The following TMCC1 variants were observed in gnomAD, a reference collection of about 807,000 sequenced individuals.
TMCC1 encodes the protein transmembrane and coiled-coil domains protein 1.
A neutral mutation model predicts 52.4 loss-of-function variants in TMCC1; 15 were observed. That is an observed-to-expected ratio of 0.29 (90% CI 0.19 to 0.44). The LOEUF (loss-of-function observed/expected upper bound fraction) is 0.44. Ranked by LOEUF, TMCC1 falls within the 20% of genes least tolerant of loss-of-function variation. The pLI is 1.00. For synonymous variants in TMCC1, 279 were observed against 301.9 expected, an observed-to-expected ratio of 0.92 and a Z score of 0.79; for missense variants, 503 against 806.0, an observed-to-expected ratio of 0.62 and a Z score of 4.55.
At chr3:129,867,371 T>G (rs187713720) in intron 2 of TMCC1, among the ~76,000 whole-genome samples, 2 of 152,210 alleles carry the variant, frequency 1.3e-5, no homozygotes, top group East Asian at 1.9e-4. Context: ...CAAATCCTCC[T>G]GTAATCGCTT....
At chr3:129,785,162 A>G (rs1369342092) in intron 4 of TMCC1, among the ~76,000 whole-genome samples, 1 of 152,178 alleles carries the variant, frequency 6.6e-6, no homozygotes, top group Non-Finnish European at 1.5e-5. Context: ...TTCAAGATGA[A>G]CAAGGATGTT....
intron 4 of TMCC1, among the ~76,000 whole-genome samples, chr3:129,685,402 T>TAA (rs751525585): frequency 4.7e-4 from 68 of 145,790 alleles, no homozygotes; most frequent in African/African-American, 1.4e-3. Flanking sequence ...AAAATTAAAT[T>TAA]TAAAAAAAAA....
intron 2 of TMCC1, among the ~76,000 whole-genome samples, chr3:129,837,571 A>G (rs2059220398): frequency 6.6e-6 from 1 of 152,252 alleles, no homozygotes. Flanking sequence ...CATATCAAGC[A>G]TATACCTCAG....
chr3:129,834,207 G>A (rs1239262604), intron 2 of TMCC1, among the ~76,000 whole-genome samples: 2 of 152,180 alleles, frequency 1.3e-5, no homozygotes, highest in Non-Finnish European at 2.9e-5. Flanking sequence ...GCAGAAAGAT[G>A]TGGGCCAATA....
intron 4 of TMCC1, among the ~76,000 whole-genome samples, chr3:129,816,368 T>C (rs1237584734): frequency 6.6e-6 from 1 of 152,072 alleles, no homozygotes; most frequent in East Asian, 1.9e-4. Flanking sequence ...ATAAAGAAAA[T>C]GTGGTATACA....
rs181472429 is a variant in TMCC1 at position 129,648,755 on chromosome 3, A to C, written c.*2726T>G. ...CACCCAGAACAACTGTTAAGCCATT[A>C]GAGCGAGGTTATAGAAGAGCTCTGA... On this transcript the variant is annotated 3_prime_UTR_variant, in exon 7 of 7. Transcript: ENST00000393238. 20 of 152,212 alleles carry C rather than the reference A, an allele frequency of 1.3e-4. No individual in the cohort carries two copies. The highest frequency in any genetic ancestry group is 4.3e-4 in the African/African-American group (18 of 41,548). The allele number at this position is 152,212 out of a possible 1,614,324, so 9.4% of individuals were successfully genotyped here. A position where few individuals can be genotyped will look rare whatever the true frequency, so the allele number is the denominator to read the frequency against.
chr3:129,878,796 TAG>T (rs2061338905), intron 2 of TMCC1, among the ~76,000 whole-genome samples: 1 of 152,134 alleles, frequency 6.6e-6, no homozygotes, highest in Non-Finnish European at 1.5e-5. Flanking sequence ...CCTATGAAAT[TAG>T]AGTCTAAATT....
chr3:129,865,850 T>A (rs951328872), intron 2 of TMCC1, among the ~76,000 whole-genome samples: 16 of 152,096 alleles, frequency 1.1e-4, no homozygotes, highest in Non-Finnish European at 2.2e-4. Context: ...TGCAAAAAAA[T>A]ATCACTGCAA....
At chr3:129,876,829 C>T (rs1000125002) in intron 2 of TMCC1, among the ~76,000 whole-genome samples, 3 of 151,542 alleles carry the variant, frequency 2.0e-5, no homozygotes, top group African/African-American at 7.3e-5. Flanking sequence ...TGGTGGCAGG[C>T]GCCTGTAGTC....
At chr3:129,669,396 G>A (rs1032875131) in intron 5 of TMCC1, among the ~76,000 whole-genome samples, 3 of 151,890 alleles carry the variant, frequency 2.0e-5, no homozygotes, top group Non-Finnish European at 4.4e-5. Context: ...TAGGTGGCCT[G>A]TCTCTGGCTA....
chr3:129,672,367 G>A (rs1431827209), intron 4 of TMCC1, among the ~76,000 whole-genome samples: 1 of 152,140 alleles, frequency 6.6e-6, no homozygotes, highest in Non-Finnish European at 1.5e-5. Flanking sequence ...GGAGGTCAAA[G>A]GAGAAGGATC....
In TMCC1 at chr3:129,852,456, CAAAAAAAAAAA is replaced by C. The variant is rs1015860543; in HGVS notation, c.-183-19641_-183-19631del. ...TGGGTGACAGAACGAGACACCGTCT[CAAAAAAAAAAA>C]AAAAAAAAAAAAAAGGAAGAAAATT... is the stretch of plus-strand genomic sequence containing the variant. On this transcript the variant is annotated intron_variant, in intron 2 of 6. Transcript: ENST00000393238. 1.5e-4 allele frequency among the ~76,000 whole-genome samples: 6 copies of C among 39,840 alleles called. No homozygotes were observed. In the South Asian group the frequency reaches 5.5e-3, roughly 37 times the overall value. 26.1% of individuals were successfully genotyped at this position (39,840 alleles called of 152,430 possible).
chr3:129,670,845 T>A lies in TMCC1; in HGVS notation c.996A>T (p.Val332=), dbSNP rs763936300. The A allele has an allele frequency of 6.2e-7, 1 of 1,614,212 alleles. No homozygotes were observed. The highest frequency in any genetic ancestry group is 1.1e-5 in the South Asian group (1 of 91,084). The change falls in exon 5 of 7, where the codon GTA becomes GTT. Residue 332 remains valine, a synonymous_variant. Transcript: ENST00000393238. ...CACTGAAGCCAGTCACCTTTGCTCC[T>A]ACATCCTTCAGACCCTGGTGCATGT... ...FRDMHQGLKD[V]GAKVTGFSEG... is the part of the protein sequence containing the mutation.
Position 129,654,948 on chromosome 3 carries a change from A to G in TMCC1, c.1647+20T>C. 1 of 1,610,192 alleles carries G rather than the reference A, an allele frequency of 6.2e-7. No homozygotes were observed. Among genetic ancestry groups the G allele is most frequent in the African/African-American group, 1.3e-5 (1 of 74,434 alleles). ...TAACCCTACTGTATTTTGCATTTAC[A>G]CCTTTTCCTTCATACTAACCTGGAT... On this transcript the variant is annotated intron_variant, in intron 6 of 6. Transcript: ENST00000393238.
intron 4 of TMCC1, among the ~76,000 whole-genome samples, chr3:129,705,740 C>T (rs987684586): frequency 6.6e-6 from 1 of 151,184 alleles, no homozygotes; most frequent in African/African-American, 2.4e-5. Flanking sequence ...CTACAGGCGC[C>T]CGCCACCACG....
At chr3:129,714,464 G>A (rs1297449166) in intron 4 of TMCC1, among the ~76,000 whole-genome samples, 1 of 151,882 alleles carries the variant, frequency 6.6e-6, no homozygotes, top group East Asian at 1.9e-4. Flanking sequence ...TTTGATTATG[G>A]GTAAACTTGA....
At chr3:129,795,467 T>C (rs78738054) in intron 4 of TMCC1, among the ~76,000 whole-genome samples, 163 of 152,170 alleles carry the variant, frequency 1.1e-3, no homozygotes, top group African/African-American at 3.4e-3. Context: ...ATATTTTTTT[T>C]CCCTGTTCCA....
intron 4 of TMCC1, among the ~76,000 whole-genome samples, chr3:129,732,946 C>CACA (rs762122873): frequency 3.2e-4 from 48 of 152,196 alleles, no homozygotes; most frequent in Non-Finnish European, 6.0e-4. Context: ...TTCTCTTATC[C>CACA]ACATTAATGT....
At chr3:129,739,761 T>A (rs191810956) in intron 4 of TMCC1, among the ~76,000 whole-genome samples, 55 of 152,250 alleles carry the variant, frequency 3.6e-4, no homozygotes, top group African/African-American at 1.2e-3. Flanking sequence ...AGCCTAAAAA[T>A]TTTTTTCCCC....
Sources: gnomAD v4.1 joint callset for allele counts (sites outside exome capture counted in the v4.1 genomes callset) on GRCh38, gnomAD v4.1.1 for gene constraint, MANE v1.5 for transcripts, NCBI Gene and HGNC (gene_info 2026-07-23, HGNC 2026-07-21) for gene names.